Variants in CCSER1 observed in about 807,000 individuals in gnomAD.
CCSER1 encodes coiled-coil serine rich protein 1, also known as serine-rich coiled-coil domain-containing protein 1.
CCSER1 carries 41 observed loss-of-function variants against 82.0 expected under a neutral mutation model. The ratio of observed to expected loss-of-function variants is 0.50; its 90% CI spans 0.39 to 0.65. The LOEUF (loss-of-function observed/expected upper bound fraction) is 0.65, where lower values mean the gene tolerates loss of function less well. Among genes scored for constraint, CCSER1 ranks in the 30% least tolerant of loss-of-function variants. The pLI, the probability that CCSER1 is intolerant of heterozygous loss-of-function variation, is 0.00. For missense variants in CCSER1, 1,119 were observed against 1,064.2 expected, an observed-to-expected ratio of 1.05 and a Z score of -0.72; for synonymous variants, 414 against 383.9, an observed-to-expected ratio of 1.08 and a Z score of -0.92.
intron 10 of CCSER1, among the ~76,000 whole-genome samples, chr4:91,436,934 C>T (rs552014968): frequency 1.3e-5 from 2 of 152,172 alleles, no homozygotes; most frequent in African/African-American, 4.8e-5. Context: ...GTCCTTGGTG[C>T]CTAGGGACTT....
intron 8 of CCSER1, among the ~76,000 whole-genome samples, chr4:90,882,431 A>T (rs1026264523): frequency 7.2e-5 from 11 of 152,058 alleles, no homozygotes; most frequent in Non-Finnish European, 1.6e-4. Flanking sequence ...TTTACTAAGT[A>T]TTTTATACTG....
At chr4:91,539,182 T>C (rs1457582652) in intron 10 of CCSER1, among the ~76,000 whole-genome samples, 2 of 152,112 alleles carry the variant, frequency 1.3e-5, no homozygotes, top group African/African-American at 4.8e-5. Context: ...TTGGGTAACA[T>C]GAATAATCGA....
At position 91,149,393 on chromosome 4, in the gene CCSER1, G is replaced by A. The variant is rs182005543; in HGVS notation, c.2217+63399G>A. Among the ~76,000 whole-genome samples, 134 of 152,152 alleles carry A rather than the reference G, an allele frequency of 8.8e-4. 1 individual carries two copies. Among genetic ancestry groups the A allele is most frequent in the Non-Finnish European group, 1.3e-3 (89 of 67,986 alleles). On this transcript the variant is annotated intron_variant, in intron 10 of 10. Transcript: ENST00000509176. ...CTGGAAATTAGCCCTTTGTCAGATG[G>A]GTAGATTGCAAAAATTTTCTCCCAT...
chr4:91,301,484 G>A (rs1023093208), intron 10 of CCSER1, among the ~76,000 whole-genome samples: 1 of 150,772 alleles, frequency 6.6e-6, no homozygotes, highest in African/African-American at 2.4e-5. Context: ...TCTCATTATA[G>A]GTGTGTTTAG....
chr4:91,599,056 A>G lies in CCSER1; in HGVS notation c.2702A>G (p.Ter901=). The change falls in exon 11 of 11, where the codon TAA becomes TGA. Residue 901 remains the stop codon, a stop_retained_variant. Coordinates refer to ENST00000509176, the MANE Select transcript of CCSER1 (RefSeq NM_001145065.2). ...ELQTLGQQDG[*] Reference sequence around the variant, plus strand: ...CAAACTCTAGGCCAGCAGGATGGGTAATTAAATCACCGTATTCCTGTCTTT... The same window carrying G: ...CAAACTCTAGGCCAGCAGGATGGGTGATTAAATCACCGTATTCCTGTCTTT... 1.3e-6 allele frequency: 2 copies of G among 1,534,096 alleles called. No homozygotes were observed. The highest frequency in any genetic ancestry group is 1.2e-5 in the South Asian group (1 of 82,732).
chr4:90,337,573 T>G, intron 3 of CCSER1, among the ~76,000 whole-genome samples: 1 of 152,244 alleles, frequency 6.6e-6, no homozygotes, highest in South Asian at 2.1e-4. Flanking sequence ...TTGAGATATA[T>G]AGATAGTAAT....
At chr4:91,460,710 G>A (rs565105785) in intron 10 of CCSER1, among the ~76,000 whole-genome samples, 1 of 151,898 alleles carries the variant, frequency 6.6e-6, no homozygotes, top group Non-Finnish European at 1.5e-5. Context: ...TTTACTCTTC[G>A]AGCACACCGT....
intron 10 of CCSER1, among the ~76,000 whole-genome samples, chr4:91,463,278 AG>A (rs1756625141): frequency 6.6e-6 from 1 of 152,220 alleles, no homozygotes. Context: ...CAAACTCAAC[AG>A]ACCTGCAGCT....
rs1335675241 is a variant in CCSER1 at position 91,012,245 on chromosome 4, G to T, written c.2173-73705G>T. Among the ~76,000 whole-genome samples, 4 of 134,322 alleles carry T rather than the reference G, an allele frequency of 3.0e-5. 1 individual carries two copies. The South Asian group carries it at 9.6e-4, about 32-fold the overall frequency. 88.1% of individuals were successfully genotyped at this position (134,322 alleles called of 152,430 possible). A position where few individuals can be genotyped will look rare whatever the true frequency, so the allele number is the denominator to read the frequency against. On this transcript the variant is annotated intron_variant, in intron 9 of 10. Coordinates refer to ENST00000509176, the MANE Select transcript of CCSER1 (RefSeq NM_001145065.2). ...AGTGTGAATGCTCTTTGCAGCCAAA[G>T]CATTGTTTCCCCAGGATTCAGGGTA...
intron 10 of CCSER1, among the ~76,000 whole-genome samples, chr4:91,285,734 C>T (rs1347792073): frequency 6.6e-6 from 1 of 151,828 alleles, no homozygotes; most frequent in Non-Finnish European, 1.5e-5. Context: ...CTTATTATCA[C>T]ATTTTCTTTT....
At chr4:90,833,782 A>G (rs914842827) in intron 8 of CCSER1, among the ~76,000 whole-genome samples, 12 of 152,202 alleles carry the variant, frequency 7.9e-5, no homozygotes, top group Admixed American at 2.6e-4. Context: ...TTAATCCCCA[A>G]TGCAACTTTG....
chr4:91,408,168 T>G (rs1752814746), intron 10 of CCSER1, among the ~76,000 whole-genome samples: 1 of 152,210 alleles, frequency 6.6e-6, no homozygotes, highest in Admixed American at 6.6e-5. Context: ...AATCAGATGA[T>G]GACATCAAAA....
intron 10 of CCSER1, among the ~76,000 whole-genome samples, chr4:91,171,611 C>A (rs1581701499): frequency 6.6e-6 from 1 of 152,060 alleles, no homozygotes; most frequent in Non-Finnish European, 1.5e-5. Context: ...TATTATAGTA[C>A]CCCAGGCCTC....
intron 8 of CCSER1, among the ~76,000 whole-genome samples, chr4:90,833,837 C>T (rs1761447137): frequency 6.6e-6 from 1 of 152,164 alleles, no homozygotes; most frequent in Non-Finnish European, 1.5e-5. Context: ...GGTCTTCACC[C>T]TCAAGAATGG....
intron 10 of CCSER1, among the ~76,000 whole-genome samples, chr4:91,324,728 G>A (rs1276886127): frequency 6.6e-6 from 1 of 152,124 alleles, no homozygotes; most frequent in African/African-American, 2.4e-5. Flanking sequence ...TCTGGGAATA[G>A]CAATCTAGAG....
chr4:90,220,054 T>G (rs962372118), intron 1 of CCSER1, among the ~76,000 whole-genome samples: 2 of 152,192 alleles, frequency 1.3e-5, no homozygotes, highest in African/African-American at 4.8e-5. Context: ...AAAATAGGTA[T>G]GTATAGTACA....
intron 10 of CCSER1, among the ~76,000 whole-genome samples, chr4:91,460,359 T>C (rs1756437477): frequency 6.6e-6 from 1 of 152,132 alleles, no homozygotes; most frequent in Non-Finnish European, 1.5e-5. Context: ...GAGAAAATAA[T>C]GCAGAGAATT....
intron 5 of CCSER1, among the ~76,000 whole-genome samples, chr4:90,604,709 G>C (rs1784421235): frequency 1.3e-5 from 2 of 152,156 alleles, no homozygotes; most frequent in African/African-American, 2.4e-5. Flanking sequence ...TTCGTGTCTA[G>C]CTCAAGGTTT....
intron 8 of CCSER1, among the ~76,000 whole-genome samples, chr4:90,857,070 C>A (rs1434472609): frequency 1.3e-5 from 2 of 151,812 alleles, no homozygotes; most frequent in Non-Finnish European, 2.9e-5. Flanking sequence ...GGCTGGAATT[C>A]TGGGGCTTAA....
Sources: gnomAD v4.1 joint callset for allele counts (sites outside exome capture counted in the v4.1 genomes callset) on GRCh38, gnomAD v4.1.1 for gene constraint, MANE v1.5 for transcripts, NCBI Gene and HGNC (gene_info 2026-07-23, HGNC 2026-07-21) for gene names.